FHIT: variants seen among roughly 807,000 people sequenced by gnomAD.
FHIT encodes the protein bis(5'-adenosyl)-triphosphatase.
A neutral mutation model predicts 17.9 loss-of-function variants in FHIT; 19 were observed. The ratio of observed to expected loss-of-function variants is 1.06; its 90% CI spans 0.74 to 1.56. The LOEUF (loss-of-function observed/expected upper bound fraction) is 1.56, where lower values mean the gene tolerates loss of function less well. Ranked by LOEUF, FHIT falls within the 40% of genes most tolerant of loss-of-function variation. FHIT has a pLI of 0.00. For missense variants in FHIT, 248 were observed against 189.2 expected (o/e 1.31, Z -1.82); for synonymous variants, 81 against 69.7 (o/e 1.16, Z -0.81).
intron 4 of FHIT, among the ~76,000 whole-genome samples, chr3:60,773,121 G>T (rs1358041404): frequency 1.3e-5 from 2 of 152,074 alleles, no homozygotes; most frequent in African/African-American, 4.8e-5. Flanking sequence ...TGTGTAGCAG[G>T]CAGGAAGAAC....
intron 4 of FHIT, among the ~76,000 whole-genome samples, chr3:60,695,641 A>G (rs371504013): frequency 1.3e-5 from 2 of 152,282 alleles, no homozygotes; most frequent in East Asian, 3.9e-4. Context: ...AGCTTGTAGC[A>G]GAGTGCCTAA....
intron 3 of FHIT, among the ~76,000 whole-genome samples, chr3:61,023,492 T>C (rs1212470169): frequency 1.3e-5 from 2 of 152,134 alleles, no homozygotes; most frequent in East Asian, 1.9e-4. Flanking sequence ...AAAAAACTAC[T>C]TCAAACTTCA....
At chr3:60,733,700 G>A (rs543199578) in intron 4 of FHIT, among the ~76,000 whole-genome samples, 18 of 152,216 alleles carry the variant, frequency 1.2e-4, no homozygotes, top group Admixed American at 9.2e-4. Flanking sequence ...TAGTATGTAT[G>A]CTCTGTGGTC....
intron 8 of FHIT, among the ~76,000 whole-genome samples, chr3:59,855,188 A>G (rs1702102996): frequency 6.6e-6 from 1 of 152,232 alleles, no homozygotes; most frequent in African/African-American, 2.4e-5. Context: ...CCCAATGTTA[A>G]TTATAAAAAT....
chr3:60,510,218 A>C (rs9863244), intron 5 of FHIT, among the ~76,000 whole-genome samples: 2,715 of 152,364 alleles, frequency 0.018, 89 homozygotes, highest in African/African-American at 0.061. Flanking sequence ...GGGGAAAACT[A>C]GAACAGCACT....
intron 4 of FHIT, among the ~76,000 whole-genome samples, chr3:60,791,763 G>T (rs1457319250): frequency 6.6e-6 from 1 of 152,296 alleles, no homozygotes; most frequent in South Asian, 2.1e-4. Context: ...GTGAGGGCCA[G>T]TATGAATGAG....
intron 5 of FHIT, among the ~76,000 whole-genome samples, chr3:60,046,777 G>T (rs1479772494): frequency 6.6e-6 from 1 of 152,172 alleles, no homozygotes; most frequent in Admixed American, 6.5e-5. Context: ...GAGATGTTCT[G>T]GAGAAATATG....
At chr3:60,094,653 T>C (rs1350298909) in intron 5 of FHIT, among the ~76,000 whole-genome samples, 4 of 152,110 alleles carry the variant, frequency 2.6e-5, no homozygotes, top group African/African-American at 7.2e-5. Context: ...AGGGAAGTGA[T>C]GCCAAAGCCA....
intron 3 of FHIT, among the ~76,000 whole-genome samples, chr3:61,037,126 T>G (rs1363585721): frequency 1.3e-5 from 2 of 152,136 alleles, no homozygotes; most frequent in African/African-American, 4.8e-5. Flanking sequence ...TTAGCCAGGA[T>G]GGTCTCGATC....
chr3:60,803,729 G>A (rs1046810085), intron 4 of FHIT, among the ~76,000 whole-genome samples: 11 of 152,036 alleles, frequency 7.2e-5, no homozygotes, highest in Admixed American at 2.0e-4. Context: ...ACCTTGTTTT[G>A]CAGTGCCAGC....
chr3:59,752,148 CCCATTCT>C, intron 9 of FHIT, 66 bp downstream of exon 9: 1 of 1,064,634 alleles, frequency 9.4e-7, no homozygotes, highest in Non-Finnish European at 1.4e-6. Context: ...TTTGTGCATC[CCCATTCT>C]GAGAGTGCAG....
At chr3:60,412,364 AAAAT>A (rs1407334568) in intron 5 of FHIT, among the ~76,000 whole-genome samples, 7 of 152,126 alleles carry the variant, frequency 4.6e-5, no homozygotes, top group Non-Finnish European at 5.9e-5. Flanking sequence ...TATGAGGACA[AAAAT>A]AAATAAATAA....
intron 2 of FHIT, among the ~76,000 whole-genome samples, chr3:61,130,071 TA>T (rs1159806947): frequency 5.3e-5 from 8 of 152,254 alleles, no homozygotes; most frequent in Admixed American, 4.6e-4. Context: ...GTTGGCAAAG[TA>T]AATCTGAAAA....
At chr3:60,776,827 T>G (rs1256176291) in intron 4 of FHIT, among the ~76,000 whole-genome samples, 6 of 152,242 alleles carry the variant, frequency 3.9e-5, no homozygotes, top group African/African-American at 1.4e-4. Flanking sequence ...AACTTTTGCC[T>G]AGGGTTAAGG....
intron 7 of FHIT, among the ~76,000 whole-genome samples, chr3:59,955,612 A>T (rs1707353091): frequency 6.6e-6 from 1 of 152,260 alleles, no homozygotes; most frequent in Middle Eastern, 3.4e-3. Context: ...GTCTCAACCC[A>T]ATATGTCAAA....
intron 5 of FHIT, among the ~76,000 whole-genome samples, chr3:60,437,285 G>C (rs1399897114): frequency 2.0e-5 from 3 of 152,078 alleles, no homozygotes; most frequent in African/African-American, 7.2e-5. Context: ...CTGAGGCAGA[G>C]AGAAGGAAGG....
intron 4 of FHIT, among the ~76,000 whole-genome samples, chr3:60,549,515 A>G (rs1444602732): frequency 6.6e-6 from 1 of 152,188 alleles, no homozygotes; most frequent in Non-Finnish European, 1.5e-5. Flanking sequence ...TTGAACTATT[A>G]AGGCTACGGG....
intron 5 of FHIT, among the ~76,000 whole-genome samples, chr3:60,109,764 T>C (rs908653526): frequency 2.6e-5 from 4 of 152,184 alleles, no homozygotes; most frequent in African/African-American, 4.8e-5. Context: ...CTGCTGGCTT[T>C]CTGCATAAAT....
intron 5 of FHIT, among the ~76,000 whole-genome samples, chr3:60,435,894 G>A (rs1317721757): frequency 2.0e-5 from 3 of 151,966 alleles, no homozygotes; most frequent in East Asian, 3.9e-4. Context: ...CCACTTACAG[G>A]TGAAAACGTA....
Sources: gnomAD v4.1 joint callset for allele counts (sites outside exome capture counted in the v4.1 genomes callset) on GRCh38, gnomAD v4.1.1 for gene constraint, MANE v1.5 for transcripts, NCBI Gene and HGNC (gene_info 2026-07-23, HGNC 2026-07-21) for gene names.